ITPK1: variants seen among roughly 807,000 people sequenced by gnomAD.
ITPK1 encodes inositol 1,3,4-trisphosphate 5/6-kinase.
ITPK1 carries 21 observed loss-of-function variants against 45.3 expected under a neutral mutation model. The observed-to-expected ratio is 0.46, with a 90% CI of 0.33 to 0.67. The LOEUF (loss-of-function observed/expected upper bound fraction) is 0.67, where lower values mean the gene tolerates loss of function less well. Ranked by LOEUF, ITPK1 falls within the 30% of genes least tolerant of loss-of-function variation. The pLI is 0.02. For synonymous variants in ITPK1, 258 were observed against 253.6 expected, an observed-to-expected ratio of 1.02 and a Z score of -0.16; for missense variants, 474 against 573.5, an observed-to-expected ratio of 0.83 and a Z score of 1.77.
chr14:92,939,665 T>C lies in ITPK1; in HGVS notation c.*1896A>G. On this transcript the variant is annotated 3_prime_UTR_variant, in exon 11 of 11. Transcript: ENST00000267615. ...TGGCAGTTACTCGGTATCTGGGCCC[T>C]GGACGCGCAAGACCCCGGAGGCCAC... The C allele has an allele frequency of 1.0e-6, 1 of 984,766 alleles. No homozygotes were observed. Among genetic ancestry groups the C allele is most frequent in the Non-Finnish European group, 1.2e-6 (1 of 829,758 alleles). 61.0% of individuals were successfully genotyped at this position (984,766 alleles called of 1,614,324 possible).
chr14:93,001,432 C>T (rs1474264945), intron 4 of ITPK1, among the ~76,000 whole-genome samples: 2 of 152,282 alleles, frequency 1.3e-5, no homozygotes, highest in South Asian at 2.1e-4. Flanking sequence ...GGCACAATTC[C>T]GTCACCTCCC....
At chr14:93,027,950 A>G (rs998490206) in intron 3 of ITPK1, among the ~76,000 whole-genome samples, 1 of 152,204 alleles carries the variant, frequency 6.6e-6, no homozygotes, top group Non-Finnish European at 1.5e-5. Flanking sequence ...CCCAGAGAGC[A>G]GTGGGAAAAA....
Position 92,941,731 on chromosome 14 carries a change from G to C in ITPK1, c.1075C>G (p.Pro359Ala), listed in dbSNP as rs776899388. ...CCCATCATGCTGCCGCAGCAGCCGGGGCTGGCGCTGCATGTCCGCTCGCCC... is the reference window on the plus strand; with the variant it reads ...CCCATCATGCTGCCGCAGCAGCCGGCGCTGGCGCTGCATGTCCGCTCGCCC... ...LVGERTCSAS[P>A]GCCGSMMGQD... is the part of the protein sequence containing the mutation. The change falls in exon 11 of 11, where the codon CCC becomes GCC. Residue 359 changes from proline (P) to alanine (A), a missense_variant. Physicochemically the swap from Pro to Ala is conservative, Grantham distance 27. Transcript: ENST00000267615. 1 of 1,591,242 alleles carries C rather than the reference G, an allele frequency of 6.3e-7. No homozygotes were observed. The highest frequency in any genetic ancestry group is 1.3e-5 in the African/African-American group (1 of 74,514).
At chr14:93,028,144 T>C (rs1718722724) in intron 3 of ITPK1, among the ~76,000 whole-genome samples, 1 of 152,162 alleles carries the variant, frequency 6.6e-6, no homozygotes, top group Admixed American at 6.5e-5. Context: ...GCCAACAGAA[T>C]GGGAGCAGAC....
At chr14:93,101,740 C>T (rs1203926151) in intron 2 of ITPK1, among the ~76,000 whole-genome samples, 1 of 152,200 alleles carries the variant, frequency 6.6e-6, no homozygotes, top group Non-Finnish European at 1.5e-5. Context: ...ACTCCAGCTA[C>T]TCGGAAGGCT....
chr14:93,051,028 C>T (rs541529378), intron 3 of ITPK1, among the ~76,000 whole-genome samples: 6 of 152,220 alleles, frequency 3.9e-5, no homozygotes, highest in African/African-American at 1.2e-4. Context: ...GCTATGTGCC[C>T]AGTGCTCAGC....
chr14:92,970,539 T>C (rs1352929999), intron 5 of ITPK1, among the ~76,000 whole-genome samples: 2 of 152,188 alleles, frequency 1.3e-5, no homozygotes, highest in African/African-American at 4.8e-5. Context: ...GGGGCCCATA[T>C]TATATGGCAG....
intron 3 of ITPK1, among the ~76,000 whole-genome samples, chr14:93,033,834 C>T (rs962480783): frequency 6.6e-6 from 1 of 151,992 alleles, no homozygotes; most frequent in African/African-American, 2.4e-5. Context: ...GGAGGGCTCT[C>T]GGGCAGCACA....
intron 2 of ITPK1, among the ~76,000 whole-genome samples, chr14:93,113,879 C>A (rs1393573848): frequency 6.6e-6 from 1 of 152,188 alleles, no homozygotes; most frequent in Admixed American, 6.5e-5. Flanking sequence ...AGAGCGCCTG[C>A]GGGGCTTGCA....
intron 2 of ITPK1, among the ~76,000 whole-genome samples, chr14:93,089,033 C>T (rs1454299555): frequency 6.6e-6 from 1 of 152,188 alleles, no homozygotes; most frequent in Non-Finnish European, 1.5e-5. Context: ...GGGGGCCCAC[C>T]GGGTCTGTTG....
chr14:93,101,813 G>A (rs536965577), intron 2 of ITPK1, among the ~76,000 whole-genome samples: 28 of 152,328 alleles, frequency 1.8e-4, no homozygotes, highest in African/African-American at 5.8e-4. Context: ...TCGCGGCACT[G>A]TGCAAACTGA....
chr14:92,973,601 G>A (rs576496200), intron 5 of ITPK1, among the ~76,000 whole-genome samples: 42 of 152,384 alleles, frequency 2.8e-4, no homozygotes, highest in African/African-American at 9.9e-4. Context: ...TCTAGACAGG[G>A]AAGATGTTCT....
At chr14:92,963,220 A>C (rs1429745054) in intron 5 of ITPK1, among the ~76,000 whole-genome samples, 5 of 152,156 alleles carry the variant, frequency 3.3e-5, no homozygotes, top group Non-Finnish European at 7.4e-5. Context: ...CCTGAATCCT[A>C]ACTTCATAAG....
At chr14:92,972,474 C>T (rs1208124793) in intron 5 of ITPK1, among the ~76,000 whole-genome samples, 2 of 152,208 alleles carry the variant, frequency 1.3e-5, no homozygotes, top group East Asian at 1.9e-4. Context: ...TCTGCCAACA[C>T]TAAGATCTGA....
chr14:93,059,290 T>C (rs1198069308), intron 3 of ITPK1, among the ~76,000 whole-genome samples: 2 of 24,608 alleles, frequency 8.1e-5, no homozygotes, highest in African/African-American at 1.9e-4. Context: ...GGAGGGAGTA[T>C]GGGTGACGAA....
chr14:92,957,766 C>T (rs1042696954), intron 8 of ITPK1, among the ~76,000 whole-genome samples: 1 of 152,210 alleles, frequency 6.6e-6, no homozygotes, highest in Non-Finnish European at 1.5e-5. Context: ...GTCTCAGGCT[C>T]CCCAGGGGAA....
In ITPK1 at chr14:93,025,072, T is replaced by C. The variant is rs993414008; in HGVS notation, c.121-8271A>G. 5.3e-5 allele frequency among the ~76,000 whole-genome samples: 8 copies of C among 152,192 alleles called. 1 individual carries two copies. The highest frequency in any genetic ancestry group is 3.3e-4 in the Admixed American group (5 of 15,284). On this transcript the variant is annotated intron_variant, in intron 3 of 10. Transcript: ENST00000267615. Reference sequence around the variant, plus strand: ...ATTCTGAAATCCTAGCTGGCAGGCCTCAAGTTTTCAACCACAACGCCATCT... The same window carrying C: ...ATTCTGAAATCCTAGCTGGCAGGCCCCAAGTTTTCAACCACAACGCCATCT...
intron 2 of ITPK1, among the ~76,000 whole-genome samples, chr14:93,097,991 C>A (rs942345058): frequency 7.9e-5 from 12 of 152,062 alleles, no homozygotes; most frequent in Admixed American, 6.6e-4. Flanking sequence ...GCCTGGGCGA[C>A]AAGAGCAAAA....
Position 92,941,042 on chromosome 14 carries a change from C to T in ITPK1, c.*519G>A. ...AGCTGCACACCAGGCAGGGTGGGGG[C>T]TAACAAAGCCTTGGTGGAGACCAGT... is the stretch of plus-strand genomic sequence containing the variant. On this transcript the variant is annotated 3_prime_UTR_variant, in exon 11 of 11. Transcript: ENST00000267615. The T allele has an allele frequency of 8.1e-7, 1 of 1,228,698 alleles. No individual in the cohort carries two copies. The highest frequency in any genetic ancestry group is 2.8e-5 in the Admixed American group (1 of 35,644). 76.1% of individuals were successfully genotyped at this position (1,228,698 alleles called of 1,614,324 possible).
Sources: gnomAD v4.1 joint callset for allele counts (sites outside exome capture counted in the v4.1 genomes callset) on GRCh38, gnomAD v4.1.1 for gene constraint, MANE v1.5 for transcripts, NCBI Gene and HGNC (gene_info 2026-07-23, HGNC 2026-07-21) for gene names.